Variants in ITGA11 observed in about 807,000 individuals in gnomAD.
ITGA11 encodes the protein integrin alpha-11.
A neutral mutation model predicts 141.9 loss-of-function variants in ITGA11; 97 were observed. The observed-to-expected ratio is 0.68, with a 90% CI of 0.58 to 0.81. The LOEUF (loss-of-function observed/expected upper bound fraction) is 0.81, where lower values mean the gene tolerates loss of function less well. ITGA11 is among the 30% of genes least tolerant of loss of function. ITGA11 has a pLI of 0.00. For missense variants in ITGA11, 1,387 were observed against 1,559.2 expected (o/e 0.89, Z 1.86); for synonymous variants, 658 against 624.6 (o/e 1.05, Z -0.80).
intron 14 of ITGA11, 63 bp downstream of exon 14, chr15:68,331,796 C>G (rs1224904090): frequency 7.2e-7 from 1 of 1,380,546 alleles, no homozygotes; most frequent in African/African-American, 1.4e-5. Flanking sequence ...CACAGAAGCT[C>G]CTGGGACTCC....
At position 68,321,539 on chromosome 15, in the gene ITGA11, A is replaced by G. The variant is rs1595857862; in HGVS notation, c.2323-36T>C. The G allele has an allele frequency of 2.8e-6, 4 of 1,429,728 alleles. No individual in the cohort carries two copies. The East Asian group carries it at 7.2e-5, about 26-fold the overall frequency. 88.6% of individuals were successfully genotyped at this position (1,429,728 alleles called of 1,614,324 possible). The stretch of plus-strand genomic sequence containing the variant: ...GAGAGCCAGGTGTGGGCAGCTGGGT[A>G]GGGACCCGCAGCCCCTCGCCCTCAA... On this transcript the variant is annotated intron_variant, in intron 18 of 29. Transcript: ENST00000315757. This position sits in a 1 kb window ranked among gnomAD's most constrained non-coding sequence, Gnocchi z 4.9.
At chr15:68,350,592 T>C (rs897525538) in intron 9 of ITGA11, 25 bp downstream of exon 9, 1 of 1,603,418 alleles carries the variant, frequency 6.2e-7, no homozygotes, top group Non-Finnish European at 8.5e-7. Context: ...AGAGAGTGGA[T>C]CCCCTCTTAG....
At chr15:68,401,176 G>A (rs779370203) in intron 2 of ITGA11, among the ~76,000 whole-genome samples, 1 of 151,230 alleles carries the variant, frequency 6.6e-6, no homozygotes, top group African/African-American at 2.4e-5. Flanking sequence ...CACACAACTA[G>A]AATGACTAAA....
intron 1 of ITGA11, among the ~76,000 whole-genome samples, chr15:68,426,611 C>G (rs1000917278): frequency 1.3e-5 from 2 of 152,186 alleles, no homozygotes; most frequent in African/African-American, 4.8e-5. Flanking sequence ...GCATACTGAT[C>G]TCAATTCCCC....
At position 68,326,794 on chromosome 15, in the gene ITGA11, T is replaced by C. The variant is rs1291667757; in HGVS notation, c.2071A>G (p.Ile691Val). ...APHFQTTTVG[I>V]RYNATMDERR... ...TCATCCATGGTGGCGTTGTATCTGA[T>C]GCCTGCAGGAGGGGAGAGGGCAAGA... Residue 691 changes from isoleucine (I) to valine (V), a missense_variant and splice_region_variant, in exon 17 of 30, where the codon ATC becomes GTC. Transcript: ENST00000315757. The surrounding 1 kb of genome is among the most constrained non-coding windows in gnomAD (Gnocchi z 6.8). 22 of 1,579,082 alleles carry C rather than the reference T, an allele frequency of 1.4e-5. No homozygotes were observed. The highest frequency in any genetic ancestry group is 1.9e-5 in the Non-Finnish European group (22 of 1,161,740).
chr15:68,347,258 G>T (rs1052077009), intron 10 of ITGA11, among the ~76,000 whole-genome samples: 1 of 152,154 alleles, frequency 6.6e-6, no homozygotes, highest in Non-Finnish European at 1.5e-5. Flanking sequence ...CTCCTTGAGG[G>T]CAGGGCTCCC....
chr15:68,395,077 C>G (rs1235032643), intron 2 of ITGA11, among the ~76,000 whole-genome samples: 2 of 152,134 alleles, frequency 1.3e-5, no homozygotes, highest in Non-Finnish European at 2.9e-5. Context: ...AGACCTGCAG[C>G]TGAGGGACCC....
chr15:68,424,711 G>A (rs74022226), intron 1 of ITGA11, among the ~76,000 whole-genome samples: 6,238 of 152,222 alleles, frequency 0.041, 432 homozygotes, highest in African/African-American at 0.14. Flanking sequence ...TGCTGACCCT[G>A]GAGGACTATG....
At chr15:68,401,711 A>T (rs1445258111) in intron 2 of ITGA11, among the ~76,000 whole-genome samples, 1 of 152,056 alleles carries the variant, frequency 6.6e-6, no homozygotes, top group Non-Finnish European at 1.5e-5. Flanking sequence ...GGCGGGGGTG[A>T]GTGGGCACCA....
rs754163497 is a variant in ITGA11 at position 68,298,588 on chromosome 15, T to C, written c.*4471A>G. On this transcript the variant is annotated 3_prime_UTR_variant, in exon 30 of 30. Transcript: ENST00000315757. ...CTGCAGGGAGCTGTGATTGTGCCGC[T>C]GCACTCTAGCCTGGGTGACAGAGCA... The C allele has an allele frequency of 5.3e-5, 8 of 152,212 alleles. No homozygotes were observed. Among genetic ancestry groups the C allele is most frequent in the Non-Finnish European group, 1.0e-4 (7 of 68,074 alleles). 9.4% of individuals were successfully genotyped at this position (152,212 alleles called of 1,614,324 possible).
Position 68,432,071 on chromosome 15 carries a change from C to G in ITGA11, c.-5G>C. Reference sequence around the variant, plus strand: ...CAGGCCCCTGGGCAGGTCCATGGCCCGCGGCACGGCGGCTGGGTCCGGTGT... The same window carrying G: ...CAGGCCCCTGGGCAGGTCCATGGCCGGCGGCACGGCGGCTGGGTCCGGTGT... On this transcript the variant is annotated 5_prime_UTR_variant, in exon 1 of 30. Coordinates refer to ENST00000315757, the MANE Select transcript of ITGA11 (RefSeq NM_001004439.2). 7.3e-7 allele frequency: 1 copy of G among 1,368,090 alleles called. No individual in the cohort carries two copies. Among genetic ancestry groups the G allele is most frequent in the South Asian group, 2.0e-5 (1 of 49,664 alleles). The allele number at this position is 1,368,090 out of a possible 1,614,324, so 84.7% of individuals were successfully genotyped here.
intron 7 of ITGA11, among the ~76,000 whole-genome samples, chr15:68,355,447 C>CTTTTT (rs530960844): frequency 2.0e-5 from 3 of 150,772 alleles, no homozygotes; most frequent in Non-Finnish European, 3.0e-5. Flanking sequence ...TTCTTTTTTT[C>CTTTTT]TTTTTTTCTT....
At chr15:68,367,693 GTGTT>G (rs1482378321) in intron 3 of ITGA11, among the ~76,000 whole-genome samples, 5 of 152,290 alleles carry the variant, frequency 3.3e-5, no homozygotes, top group Admixed American at 1.3e-4. Context: ...AAATAGTACA[GTGTT>G]TGGTACACTC....
intron 19 of ITGA11, among the ~76,000 whole-genome samples, chr15:68,320,661 C>T (rs975866584): frequency 1.3e-5 from 2 of 152,210 alleles, no homozygotes; most frequent in African/African-American, 4.8e-5. Context: ...GACCTCACCA[C>T]TCACGCATCA....
intron 2 of ITGA11, among the ~76,000 whole-genome samples, chr15:68,369,774 G>A (rs563105422): frequency 2.6e-5 from 4 of 152,338 alleles, no homozygotes; most frequent in African/African-American, 9.6e-5. Flanking sequence ...GCCCCAGAGT[G>A]GGTCAGGGTG....
chr15:68,365,483 C>T, intron 3 of ITGA11: 1 of 256,816 alleles, frequency 3.9e-6, no homozygotes, highest in Non-Finnish European at 6.1e-6. Context: ...TAAGGTTTTA[C>T]CAGATCATCC....
intron 2 of ITGA11, among the ~76,000 whole-genome samples, chr15:68,383,674 C>G (rs572420610): frequency 6.6e-6 from 1 of 152,332 alleles, no homozygotes; most frequent in Non-Finnish European, 1.5e-5. Context: ...CAATTAAAAA[C>G]AGTACCAGCC....
chr15:68,362,264 G>C (rs1330130592), intron 4 of ITGA11, among the ~76,000 whole-genome samples: 3 of 152,070 alleles, frequency 2.0e-5, no homozygotes, highest in Non-Finnish European at 4.4e-5. Flanking sequence ...CTGAGTGAAG[G>C]GTTCTTCTCA....
rs151337422 is a variant in ITGA11 at position 68,420,758 on chromosome 15, C to T, written c.52+11257G>A. On this transcript the variant is annotated intron_variant, in intron 1 of 29. Coordinates refer to ENST00000315757, the MANE Select transcript of ITGA11 (RefSeq NM_001004439.2). ...AAGCACTGTTCTGGGCCCTGGGATG[C>T]GTAAGTAAACTCAACAGACAAAAAT... 9.2e-5 allele frequency among the ~76,000 whole-genome samples: 14 copies of T among 152,234 alleles called. No homozygotes were observed. In the East Asian group the frequency reaches 1.5e-3, roughly 17 times the overall value.
Sources: gnomAD v4.1 joint callset for allele counts (sites outside exome capture counted in the v4.1 genomes callset) on GRCh38, gnomAD v4.1.1 for gene constraint, Gnocchi (gnomAD v3.1) non-coding constraint, MANE v1.5 for transcripts, NCBI Gene and HGNC (gene_info 2026-07-23, HGNC 2026-07-21) for gene names.